The following TLN2 variants were observed in gnomAD, a reference collection of about 807,000 sequenced individuals.
TLN2 encodes the protein talin-2.
In TLN2, 118 loss-of-function variants were observed where a neutral mutation model predicts 294.7. The observed-to-expected ratio is 0.40, with a 90% CI of 0.34 to 0.47. TLN2 has a LOEUF of 0.47. TLN2 is among the 20% of genes least tolerant of loss of function. The probability of loss-of-function intolerance (pLI) is 0.84; values close to 1 mark genes in which losing one functional copy is unlikely to be tolerated. For synonymous variants in TLN2, 1,431 were observed against 1,304.5 expected, an observed-to-expected ratio of 1.10 and a Z score of -2.09; for missense variants, 3,083 against 3,282.2, an observed-to-expected ratio of 0.94 and a Z score of 1.48.
intron 1 of TLN2, among the ~76,000 whole-genome samples, chr15:62,417,526 T>A (rs1175210316): frequency 6.6e-6 from 1 of 152,250 alleles, no homozygotes; most frequent in Admixed American, 6.5e-5. Flanking sequence ...TTTCAGATAC[T>A]GCTTCAGTTA....
chr15:62,786,277 C>T (rs539272020), intron 45 of TLN2, among the ~76,000 whole-genome samples: 56 of 152,334 alleles, frequency 3.7e-4, no homozygotes, highest in African/African-American at 1.3e-3. Flanking sequence ...TAAGGAGCTG[C>T]TCCCTTCGCT....
chr15:62,413,558 G>C (rs1255746077), intron 1 of TLN2, among the ~76,000 whole-genome samples: 1 of 152,192 alleles, frequency 6.6e-6, no homozygotes, highest in Non-Finnish European at 1.5e-5. Context: ...ACGGAACACA[G>C]AACAGGGAAA....
At chr15:62,644,736 C>G in intron 3 of TLN2, 1 of 370,798 alleles carries the variant, frequency 2.7e-6, no homozygotes, top group Non-Finnish European at 5.3e-6. Flanking sequence ...CTCTGTGTGT[C>G]TTCTGCTTCC....
chr15:62,545,509 T>G (rs1014939385), intron 1 of TLN2, among the ~76,000 whole-genome samples: 1 of 149,056 alleles, frequency 6.7e-6, no homozygotes, highest in East Asian at 2.0e-4. Context: ...TCTCTTTCTT[T>G]CTCTTTGTGT....
Position 62,425,102 on chromosome 15 carries a change from G to C in TLN2, c.-238+34417G>C, listed in dbSNP as rs184413948. Among the ~76,000 whole-genome samples, 36 of 151,632 alleles carry C rather than the reference G, an allele frequency of 2.4e-4. No individual in the cohort carries two copies. In the East Asian group the frequency reaches 6.4e-3, roughly 27 times the overall value. On this transcript the variant is annotated intron_variant, in intron 1 of 58. Coordinates refer to ENST00000636159, the MANE Select transcript of TLN2 (RefSeq NM_015059.3). ...TGAGTAGCTGGGACCACAGGGGCCT[G>C]CCACCATGCCTGGCTAATTTTTGTA...
At chr15:62,743,497 G>C (rs1447029617) in intron 32 of TLN2, among the ~76,000 whole-genome samples, 1 of 152,062 alleles carries the variant, frequency 6.6e-6, no homozygotes, top group Non-Finnish European at 1.5e-5. Context: ...CTATCCCCTT[G>C]GTTTTGGATG....
intron 1 of TLN2, among the ~76,000 whole-genome samples, chr15:62,484,960 C>T (rs547229365): frequency 2.0e-5 from 3 of 152,202 alleles, no homozygotes; most frequent in Non-Finnish European, 4.4e-5. Flanking sequence ...TGGAAGGCTG[C>T]CTTCCTTCAG....
intron 12 of TLN2, among the ~76,000 whole-genome samples, chr15:62,688,652 TCA>T (rs2057504227): frequency 6.6e-6 from 1 of 152,154 alleles, no homozygotes; most frequent in South Asian, 2.1e-4. Flanking sequence ...CTTTCAGCTC[TCA>T]GTTTTTGTTT....
chr15:62,448,787 C>T (rs2035955206), intron 1 of TLN2, among the ~76,000 whole-genome samples: 1 of 152,190 alleles, frequency 6.6e-6, no homozygotes, highest in Non-Finnish European at 1.5e-5. Context: ...TCTTTTAAAG[C>T]CCAACATCAG....
chr15:62,789,317 A>C (rs1350445451), intron 45 of TLN2, among the ~76,000 whole-genome samples: 1 of 152,176 alleles, frequency 6.6e-6, no homozygotes, highest in African/African-American at 2.4e-5. Flanking sequence ...AGGCCTTTGC[A>C]GCTGTTGCCT....
chr15:62,474,045 G>A (rs1210959581), intron 1 of TLN2, among the ~76,000 whole-genome samples: 1 of 152,204 alleles, frequency 6.6e-6, no homozygotes, highest in East Asian at 1.9e-4. Context: ...AGTGAGCCCA[G>A]ACATGTGCCT....
Position 62,833,528 on chromosome 15 carries a change from G to A in TLN2, c.7027G>A (p.Glu2343Lys). Residue 2343 changes from glutamate to lysine, a missense_variant, in exon 55 of 59, where the codon GAG becomes AAG. Transcript: ENST00000636159. The stretch of plus-strand genomic sequence containing the variant: ...GCAAGCGGATGAGACCCTGGACTTT[G>A]AGGAACAGATCTTGGAAGCTGCTAA... ...PKQADETLDFEEQILEAAKSI... is the reference protein window; with the variant it reads ...PKQADETLDFKEQILEAAKSI... 1.9e-6 allele frequency: 3 copies of A among 1,614,144 alleles called. No homozygotes were observed. The highest frequency in any genetic ancestry group is 2.5e-6 in the Non-Finnish European group (3 of 1,180,014).
At chr15:62,719,184 A>G (rs190422013) in intron 24 of TLN2, among the ~76,000 whole-genome samples, 3 of 152,282 alleles carry the variant, frequency 2.0e-5, no homozygotes, top group South Asian at 2.1e-4. Flanking sequence ...GGAGCCCATT[A>G]CTGTACAGCA....
chr15:62,653,096 C>CT, intron 6 of TLN2, 66 bp from the exon 7 acceptor site: 1 of 1,364,694 alleles, frequency 7.3e-7, no homozygotes, highest in Non-Finnish European at 9.8e-7. Flanking sequence ...TATCACAGGC[C>CT]TTAGGCTGGA....
chr15:62,657,730 C>A (rs1158541747), intron 8 of TLN2, 41 bp from the exon 9 acceptor site: 2 of 1,600,208 alleles, frequency 1.2e-6, no homozygotes, highest in Admixed American at 1.7e-5. Context: ...ACGTGTCACT[C>A]CCCGAAGCCT....
At chr15:62,748,569 C>A (rs2061742771) in intron 33 of TLN2, 125 bp downstream of exon 33, 1 of 775,614 alleles carries the variant, frequency 1.3e-6, no homozygotes, top group Non-Finnish European at 2.1e-6. Context: ...TCTTCTCTGT[C>A]CTTGCCTTTT....
At chr15:62,698,614 A>G in intron 15 of TLN2, 140 bp from the exon 16 acceptor site, 1 of 628,086 alleles carries the variant, frequency 1.6e-6, no homozygotes, top group Non-Finnish European at 2.8e-6. Flanking sequence ...TTGAAATGGG[A>G]GATGGTTGAG....
chr15:62,629,119 C>G (rs796197018), intron 3 of TLN2, among the ~76,000 whole-genome samples: 15 of 152,266 alleles, frequency 9.9e-5, no homozygotes, highest in South Asian at 4.2e-4. Context: ...ATTGCTTGAG[C>G]CCACTTGAGG....
At chr15:62,626,569 A>G (rs943426419) in intron 3 of TLN2, among the ~76,000 whole-genome samples, 1 of 152,012 alleles carries the variant, frequency 6.6e-6, no homozygotes, top group African/African-American at 2.4e-5. Flanking sequence ...CCTGAGACTG[A>G]AGTTTGCATT....
Sources: gnomAD v4.1 joint callset for allele counts (sites outside exome capture counted in the v4.1 genomes callset) on GRCh38, gnomAD v4.1.1 for gene constraint, MANE v1.5 for transcripts, NCBI Gene and HGNC (gene_info 2026-07-23, HGNC 2026-07-21) for gene names.